The following FBXL13 variants were observed in gnomAD, a reference collection of about 807,000 sequenced individuals.
FBXL13 encodes the protein F-box and leucine-rich repeat protein 13.
Under a neutral mutation model 83.6 loss-of-function variants are expected in FBXL13, and 67 were observed. The observed-to-expected ratio is 0.80, with a 90% CI of 0.66 to 0.98. The LOEUF (loss-of-function observed/expected upper bound fraction) is 0.98. Ranked by LOEUF, FBXL13 falls within the 50% of genes least tolerant of loss-of-function variation. The pLI, the probability that FBXL13 is intolerant of heterozygous loss-of-function variation, is 0.00. For missense variants in FBXL13, 822 were observed against 866.5 expected (o/e 0.95, Z 0.64); for synonymous variants, 272 against 299.5 (o/e 0.91, Z 0.95).
intron 6 of FBXL13, among the ~76,000 whole-genome samples, chr7:102,997,628 G>A (rs1338566914): frequency 6.6e-6 from 1 of 152,062 alleles, no homozygotes; most frequent in African/African-American, 2.4e-5. Context: ...ACCTCCATGA[G>A]ATCCACTTTT....
At chr7:102,960,021 A>G (rs992618278) in intron 8 of FBXL13, among the ~76,000 whole-genome samples, 49 of 152,280 alleles carry the variant, frequency 3.2e-4, no homozygotes, top group African/African-American at 1.2e-3. Flanking sequence ...ACAGAAAACT[A>G]ATAACATTGG....
intron 11 of FBXL13, among the ~76,000 whole-genome samples, chr7:102,889,369 A>G (rs1470575921): frequency 1.3e-5 from 2 of 152,312 alleles, no homozygotes; most frequent in East Asian, 3.9e-4. Context: ...CTATTATGAC[A>G]CACAACCCCA....
chr7:102,814,914 G>A (rs1797781981), intron 19 of FBXL13, among the ~76,000 whole-genome samples: 1 of 152,052 alleles, frequency 6.6e-6, no homozygotes, highest in African/African-American at 2.4e-5. Context: ...AAAGTAGTGG[G>A]TTTATATCTT....
At chr7:103,018,487 T>C (rs1217464714) in intron 6 of FBXL13, among the ~76,000 whole-genome samples, 2 of 152,170 alleles carry the variant, frequency 1.3e-5, no homozygotes, top group Admixed American at 1.3e-4. Flanking sequence ...TAACCTTAAA[T>C]GTAAATGGGC....
intron 8 of FBXL13, chr7:102,939,690 A>C (rs987597401): frequency 4.8e-5 from 50 of 1,036,386 alleles, no homozygotes; most frequent in Non-Finnish European, 1.4e-5. Flanking sequence ...TAACTGAACT[A>C]AATAATAAAG....
At chr7:102,954,704 C>A (rs1823973168) in intron 8 of FBXL13, among the ~76,000 whole-genome samples, 1 of 152,002 alleles carries the variant, frequency 6.6e-6, no homozygotes, top group Non-Finnish European at 1.5e-5. Context: ...GAAGATCTAC[C>A]AAGCAAACGG....
chr7:103,055,778 T>C lies in FBXL13; in HGVS notation c.-104-31A>G, dbSNP rs536811522. 6.2e-5 allele frequency: 63 copies of C among 1,013,182 alleles called. No individual in the cohort carries two copies. The East Asian group carries it at 3.2e-3, about 52-fold the overall frequency. The allele number at this position is 1,013,182 out of a possible 1,614,324, so 62.8% of individuals were successfully genotyped here. On this transcript the variant is annotated intron_variant, in intron 1 of 19. Transcript: ENST00000313221. ...GGAAAAAAGGGAAATGGCATCAATG[T>C]TTCTGAATTTTCACGTTTTTACTAA...
chr7:102,832,383 T>C (rs1789630725), intron 18 of FBXL13, among the ~76,000 whole-genome samples: 1 of 152,210 alleles, frequency 6.6e-6, no homozygotes. Context: ...AGTTATATGT[T>C]GTTATATTTT....
Position 102,923,756 on chromosome 7 carries a change from C to T in FBXL13, c.878+2518G>A, listed in dbSNP as rs181572601. Among the ~76,000 whole-genome samples the T allele has an allele frequency of 4.4e-3, 661 of 151,782 alleles. 18 individuals carry two copies. Among genetic ancestry groups the T allele is most frequent in the Non-Finnish European group, 6.8e-4 (46 of 67,948 alleles). Reference sequence around the variant, plus strand: ...GGAGAATTGCTTTGAACCTGGGAGGCGGAGGTTGTAGTGAGCCAAGATTGC... The same window carrying T: ...GGAGAATTGCTTTGAACCTGGGAGGTGGAGGTTGTAGTGAGCCAAGATTGC... On this transcript the variant is annotated intron_variant, in intron 10 of 19. Coordinates refer to ENST00000313221, the Ensembl canonical transcript of FBXL13.
At chr7:103,040,076 C>T (rs575208975) in intron 2 of FBXL13, among the ~76,000 whole-genome samples, 1 of 151,172 alleles carries the variant, frequency 6.6e-6, no homozygotes, top group Non-Finnish European at 1.5e-5. Context: ...ATTCAGGAGA[C>T]CCATCTCATG....
At chr7:103,074,168 G>C (rs1166969312) in intron 1 of FBXL13, 1 of 914,126 alleles carries the variant, frequency 1.1e-6, no homozygotes, top group Non-Finnish European at 1.3e-6. Context: ...CTGACCAAAG[G>C]TCTCAGCTTC....
At chr7:103,031,108 A>G (rs1377598924) in intron 2 of FBXL13, 2 of 152,022 alleles carry the variant, frequency 1.3e-5, no homozygotes, top group Non-Finnish European at 2.9e-5. Context: ...ATGCAAGAGG[A>G]CTCCAGCCCA....
At chr7:103,052,089 C>T (rs1796875582) in intron 2 of FBXL13, among the ~76,000 whole-genome samples, 1 of 152,150 alleles carries the variant, frequency 6.6e-6, no homozygotes, top group South Asian at 2.1e-4. Flanking sequence ...ACTGAAAAAC[C>T]CTGCAATTAG....
chr7:103,040,238 A>G (rs1374519192), intron 2 of FBXL13, among the ~76,000 whole-genome samples: 2 of 152,204 alleles, frequency 1.3e-5, no homozygotes, highest in African/African-American at 4.8e-5. Flanking sequence ...AGGCCACTAC[A>G]TATTGGTAAA....
chr7:102,990,937 G>A (rs1829497310), intron 6 of FBXL13, among the ~76,000 whole-genome samples: 1 of 152,242 alleles, frequency 6.6e-6, no homozygotes, highest in East Asian at 1.9e-4. Context: ...GCATGTTAAA[G>A]CCAACAGAGT....
chr7:103,040,810 C>G (rs1303673999), intron 2 of FBXL13, among the ~76,000 whole-genome samples: 1 of 152,180 alleles, frequency 6.6e-6, no homozygotes, highest in Admixed American at 6.5e-5. Flanking sequence ...ACCAGAATCT[C>G]TGGGACATAT....
intron 7 of FBXL13, among the ~76,000 whole-genome samples, chr7:102,967,702 G>T (rs76838906): frequency 2.0e-5 from 3 of 152,188 alleles, no homozygotes; most frequent in Admixed American, 6.5e-5. Flanking sequence ...CTCATGAAAA[G>T]GAAGTAGGGA....
intron 6 of FBXL13, among the ~76,000 whole-genome samples, chr7:103,018,959 T>C (rs1792757003): frequency 6.6e-6 from 1 of 152,170 alleles, no homozygotes; most frequent in South Asian, 2.1e-4. Flanking sequence ...AACTCAGCTC[T>C]GCACCAAGCA....
At chr7:102,865,247 T>C (rs1186732558) in intron 16 of FBXL13, among the ~76,000 whole-genome samples, 2 of 152,284 alleles carry the variant, frequency 1.3e-5, no homozygotes, top group Non-Finnish European at 2.9e-5. Flanking sequence ...AATCAGGGTT[T>C]ACATTTCACA....
Sources: gnomAD v4.1 joint callset for allele counts (sites outside exome capture counted in the v4.1 genomes callset) on GRCh38, gnomAD v4.1.1 for gene constraint, MANE v1.5 for transcripts, NCBI Gene and HGNC (gene_info 2026-07-23, HGNC 2026-07-21) for gene names.